The following GABBR2 variants were observed in gnomAD, a reference collection of about 807,000 sequenced individuals.
The protein encoded by GABBR2 is G-protein coupled receptor 51.
In GABBR2, 23 loss-of-function variants were observed where a neutral mutation model predicts 105.6. The observed-to-expected ratio is 0.22, with a 90% CI of 0.16 to 0.31. The LOEUF (loss-of-function observed/expected upper bound fraction) is 0.31, where lower values mean the gene tolerates loss of function less well. GABBR2 is among the 10% of genes least tolerant of loss of function. The pLI is 1.00. For missense variants in GABBR2, 734 were observed against 1,245.5 expected (o/e 0.59, Z 6.18); for synonymous variants, 478 against 499.7 (o/e 0.96, Z 0.58).
At chr9:98,384,433 A>C (rs1242188597) in intron 11 of GABBR2, among the ~76,000 whole-genome samples, 3 of 152,154 alleles carry the variant, frequency 2.0e-5, no homozygotes, top group Non-Finnish European at 2.9e-5. Context: ...TCTACTAAAA[A>C]TATAAAATTA....
chr9:98,647,906 A>T (rs1830047718), intron 1 of GABBR2, among the ~76,000 whole-genome samples: 1 of 152,112 alleles, frequency 6.6e-6, no homozygotes, highest in Non-Finnish European at 1.5e-5. Flanking sequence ...TATAAGAATG[A>T]ATACCATCCA....
intron 13 of GABBR2, among the ~76,000 whole-genome samples, chr9:98,312,631 T>A (rs372682242): frequency 6.6e-6 from 1 of 152,266 alleles, no homozygotes; most frequent in African/African-American, 2.4e-5. Context: ...AATTCTTACC[T>A]GAGTCATTTA....
intron 1 of GABBR2, among the ~76,000 whole-genome samples, chr9:98,593,083 C>T (rs954621409): frequency 2.5e-4 from 38 of 152,048 alleles, no homozygotes; most frequent in African/African-American, 8.7e-4. Context: ...TGGCCTCAAG[C>T]GAGCCTCCCA....
At chr9:98,570,550 C>T (rs1828815957) in intron 2 of GABBR2, among the ~76,000 whole-genome samples, 1 of 152,214 alleles carries the variant, frequency 6.6e-6, no homozygotes, top group South Asian at 2.1e-4. Flanking sequence ...TTGGACCTTT[C>T]CCATGCTCTG....
rs74563116 is a variant in GABBR2 at position 98,337,764 on chromosome 9, G to T, written c.1893+24951C>A. The stretch of plus-strand genomic sequence containing the variant: ...TTCTTTTCAACAAGTGGTGTCCAGG[G>T]GCGGTAGCTCACGCCTATAATCCCA... On this transcript the variant is annotated intron_variant, in intron 13 of 18. Coordinates refer to ENST00000259455, the MANE Select transcript of GABBR2 (RefSeq NM_005458.8). Among the ~76,000 whole-genome samples, 550 of 152,190 alleles carry T rather than the reference G, an allele frequency of 3.6e-3. 7 individuals carry two copies. The highest frequency in any genetic ancestry group is 0.013 in the African/African-American group (530 of 41,506).
chr9:98,393,400 C>T (rs1374514466), intron 9 of GABBR2, among the ~76,000 whole-genome samples: 2 of 151,168 alleles, frequency 1.3e-5, no homozygotes, highest in African/African-American at 4.9e-5. Flanking sequence ...ACCATCCATC[C>T]ATCCACTCAT....
intron 1 of GABBR2, among the ~76,000 whole-genome samples, chr9:98,618,475 A>AT (rs1829619308): frequency 6.9e-6 from 1 of 145,748 alleles, no homozygotes; most frequent in Non-Finnish European, 1.5e-5. Context: ...GGAAAAAAAA[A>AT]GGTCTGCTGC....
intron 1 of GABBR2, among the ~76,000 whole-genome samples, chr9:98,605,393 C>T (rs1158617582): frequency 9.2e-5 from 14 of 152,230 alleles, no homozygotes; most frequent in Non-Finnish European, 2.9e-5. Context: ...CAGTGGGCCA[C>T]TCGCCACCCT....
At chr9:98,517,243 T>C (rs1362063904) in intron 3 of GABBR2, among the ~76,000 whole-genome samples, 1 of 152,240 alleles carries the variant, frequency 6.6e-6, no homozygotes, top group African/African-American at 2.4e-5. Flanking sequence ...TAGCTCCCCA[T>C]GGGCAAGCTT....
chr9:98,527,754 A>T (rs537288431), intron 3 of GABBR2, among the ~76,000 whole-genome samples: 1 of 152,328 alleles, frequency 6.6e-6, no homozygotes, highest in East Asian at 1.9e-4. Flanking sequence ...AAAGATGTCA[A>T]CTCTTCTACA....
intron 13 of GABBR2, among the ~76,000 whole-genome samples, chr9:98,316,677 G>T (rs898125626): frequency 6.6e-6 from 1 of 152,140 alleles, no homozygotes; most frequent in African/African-American, 2.4e-5. Context: ...GAGAGAGAGG[G>T]CTGACTTCAC....
At chr9:98,526,456 G>A (rs890267368) in intron 3 of GABBR2, among the ~76,000 whole-genome samples, 1 of 152,126 alleles carries the variant, frequency 6.6e-6, no homozygotes, top group African/African-American at 2.4e-5. Context: ...GCTTTCAGGT[G>A]GCTGCCCAAA....
chr9:98,512,007 A>G (rs1216162816), intron 3 of GABBR2, among the ~76,000 whole-genome samples: 1 of 152,218 alleles, frequency 6.6e-6, no homozygotes, highest in Non-Finnish European at 1.5e-5. Context: ...AGAAATCCTC[A>G]ATAAAATACT....
chr9:98,580,910 G>A (rs1319981999), intron 1 of GABBR2, among the ~76,000 whole-genome samples: 1 of 151,204 alleles, frequency 6.6e-6, no homozygotes, highest in African/African-American at 2.4e-5. Context: ...ATTTTTTTCT[G>A]CTTGTTCTCC....
chr9:98,594,414 GGGGCAAA>G (rs1335993268), intron 1 of GABBR2, among the ~76,000 whole-genome samples: 1 of 152,226 alleles, frequency 6.6e-6, no homozygotes, highest in Non-Finnish European at 1.5e-5. Context: ...CCTAGGAAAG[GGGGCAAA>G]GGGGTTTCAG....
chr9:98,398,586 GC>G (rs1832335905), intron 8 of GABBR2, among the ~76,000 whole-genome samples: 1 of 152,120 alleles, frequency 6.6e-6, no homozygotes, highest in African/African-American at 2.4e-5. Flanking sequence ...CTGGGTCTGT[GC>G]TGGGGCCCCA....
At chr9:98,390,627 G>C (rs1225897969) in intron 9 of GABBR2, among the ~76,000 whole-genome samples, 1 of 151,794 alleles carries the variant, frequency 6.6e-6, no homozygotes, top group Non-Finnish European at 1.5e-5. Context: ...CTTGCTTCCA[G>C]ATGGTGAAAG....
intron 1 of GABBR2, among the ~76,000 whole-genome samples, chr9:98,661,482 A>C (rs1977581): frequency 0.93 from 141,396 of 152,112 alleles, 65,851 homozygotes; most frequent in African/African-American, 0.97. Flanking sequence ...CTCACTGCAA[A>C]CTCCACTTCC....
intron 1 of GABBR2, among the ~76,000 whole-genome samples, chr9:98,677,528 C>A (rs1830491453): frequency 1.3e-5 from 2 of 152,282 alleles, no homozygotes; most frequent in South Asian, 4.1e-4. Flanking sequence ...TGTGCCTGCT[C>A]TGCCAAAAAA....
Sources: gnomAD v4.1 joint callset for allele counts (sites outside exome capture counted in the v4.1 genomes callset) on GRCh38, gnomAD v4.1.1 for gene constraint, MANE v1.5 for transcripts, NCBI Gene and HGNC (gene_info 2026-07-23, HGNC 2026-07-21) for gene names.